Variants in RPGRIP1L observed in about 807,000 individuals in gnomAD.
RPGRIP1L encodes the protein protein fantom.
In RPGRIP1L, 131 loss-of-function variants were observed where a neutral mutation model predicts 160.4. The observed-to-expected ratio is 0.82, with a 90% CI of 0.71 to 0.94. The LOEUF (loss-of-function observed/expected upper bound fraction) is 0.94. Among genes scored for constraint, RPGRIP1L ranks in the 40% least tolerant of loss-of-function variants. The pLI is 0.00. For missense variants in RPGRIP1L, 1,522 were observed against 1,535.8 expected, an observed-to-expected ratio of 0.99 and a Z score of 0.15; for synonymous variants, 510 against 515.8, an observed-to-expected ratio of 0.99 and a Z score of 0.15.
intron 22 of RPGRIP1L, among the ~76,000 whole-genome samples, chr16:53,625,834 A>G (rs1210067467): frequency 6.6e-6 from 1 of 152,128 alleles, no homozygotes; most frequent in Admixed American, 6.5e-5. Flanking sequence ...GTTAATCTAT[A>G]ACCTCACCCC....
intron 6 of RPGRIP1L, among the ~76,000 whole-genome samples, chr16:53,675,673 A>C (rs1969099226): frequency 6.6e-6 from 1 of 152,192 alleles, no homozygotes; most frequent in Non-Finnish European, 1.5e-5. Flanking sequence ...AGCATTTTAT[A>C]CTAACAATGT....
intron 6 of RPGRIP1L, among the ~76,000 whole-genome samples, chr16:53,677,721 C>A (rs1009909678): frequency 1.8e-4 from 28 of 152,112 alleles, no homozygotes; most frequent in African/African-American, 6.0e-4. Flanking sequence ...CAACACGGAG[C>A]TAGGGTGTTT....
intron 17 of RPGRIP1L, among the ~76,000 whole-genome samples, chr16:53,644,639 A>G (rs1408428833): frequency 6.6e-6 from 1 of 152,250 alleles, no homozygotes; most frequent in Non-Finnish European, 1.5e-5. Flanking sequence ...ATCTGAAACA[A>G]TGGATGCCAG....
Position 53,619,100 on chromosome 16 carries a change from G to C in RPGRIP1L, c.3541C>G (p.Leu1181Val). ...RLFVECRFYS[L>V]PAEETPVSLP... ...GACACGGGTGTCTCTTCAGCAGGAA[G>C]ACTGTAGAATCGACACTCAACAAAC... Residue 1181 changes from leucine (L) to valine (V), a missense_variant, in exon 24 of 27, where the codon CTT becomes GTT. Transcript: ENST00000647211. The C allele has an allele frequency of 6.2e-7, 1 of 1,614,066 alleles. No individual in the cohort carries two copies. Among genetic ancestry groups the C allele is most frequent in the Non-Finnish European group, 8.5e-7 (1 of 1,179,960 alleles).
intron 6 of RPGRIP1L, among the ~76,000 whole-genome samples, chr16:53,680,603 A>G (rs1455244463): frequency 6.6e-6 from 1 of 152,160 alleles, no homozygotes; most frequent in East Asian, 1.9e-4. Flanking sequence ...TATTGGGACA[A>G]TTGGGGAAAT....
intron 17 of RPGRIP1L, among the ~76,000 whole-genome samples, chr16:53,642,745 T>C (rs1198842112): frequency 1.3e-5 from 2 of 152,136 alleles, no homozygotes; most frequent in Admixed American, 6.5e-5. Flanking sequence ...CCCACTCCCA[T>C]TTTGGAGAAT....
chr16:53,613,581 T>G (rs558569394), intron 24 of RPGRIP1L, among the ~76,000 whole-genome samples: 2 of 152,314 alleles, frequency 1.3e-5, no homozygotes, highest in East Asian at 3.9e-4. Flanking sequence ...CTTCCCAAAG[T>G]GCTGGAATTA....
Position 53,619,081 on chromosome 16 carries a change from G to C in RPGRIP1L, c.3560C>G (p.Pro1187Arg). 6.2e-7 allele frequency: 1 copy of C among 1,613,880 alleles called. No individual in the cohort carries two copies. Among genetic ancestry groups the C allele is most frequent in the Non-Finnish European group, 8.5e-7 (1 of 1,179,844 alleles). Residue 1187 changes from proline to arginine, a missense_variant, in exon 24 of 27, where the codon CCC (proline) becomes CGC (arginine). Transcript: ENST00000647211. ...RFYSLPAEET[P>R]VSLPKPKSGQ... is the part of the protein sequence containing the mutation. ...ACTCTTGGGTTTTGGAAGTGACACGGGTGTCTCTTCAGCAGGAAGACTGTA... is the reference window on the plus strand; with the variant it reads ...ACTCTTGGGTTTTGGAAGTGACACGCGTGTCTCTTCAGCAGGAAGACTGTA...
At chr16:53,614,959 A>G (rs1964268377) in intron 24 of RPGRIP1L, among the ~76,000 whole-genome samples, 1 of 152,216 alleles carries the variant, frequency 6.6e-6, no homozygotes, top group Admixed American at 6.5e-5. Flanking sequence ...TCTGTTATCA[A>G]TGTCATATGG....
intron 4 of RPGRIP1L, among the ~76,000 whole-genome samples, chr16:53,690,081 T>C (rs1385260499): frequency 1.3e-5 from 2 of 152,236 alleles, no homozygotes; most frequent in Admixed American, 6.5e-5. Context: ...TCAAAACTTA[T>C]TTTTCTCTTC....
At chr16:53,671,607 AT>A in intron 8 of RPGRIP1L, 24 bp from the exon 9 acceptor site, 1 of 1,253,642 alleles carries the variant, frequency 8.0e-7, no homozygotes, top group Non-Finnish European at 1.1e-6. Context: ...AAAATTACAT[AT>A]TAAGTAAATA....
intron 19 of RPGRIP1L, among the ~76,000 whole-genome samples, chr16:53,638,708 C>T (rs900099487): frequency 4.0e-5 from 6 of 151,180 alleles, no homozygotes; most frequent in African/African-American, 1.5e-4. Flanking sequence ...ATAAAATATG[C>T]TATATCCAAA....
chr16:53,626,242 T>C (rs1316297323), intron 22 of RPGRIP1L, among the ~76,000 whole-genome samples: 3 of 151,216 alleles, frequency 2.0e-5, no homozygotes, highest in Admixed American at 6.6e-5. Flanking sequence ...ATGACAGTAA[T>C]TGAAGCAAAG....
At chr16:53,656,151 A>G (rs933593759) in intron 14 of RPGRIP1L, among the ~76,000 whole-genome samples, 2 of 152,202 alleles carry the variant, frequency 1.3e-5, no homozygotes, top group African/African-American at 4.8e-5. Flanking sequence ...GGGAATTACT[A>G]AAAATTCTTG....
chr16:53,626,769 C>A (rs1567810024), intron 22 of RPGRIP1L, among the ~76,000 whole-genome samples: 1 of 147,032 alleles, frequency 6.8e-6, no homozygotes, highest in African/African-American at 2.6e-5. Flanking sequence ...TGCACTACTA[C>A]ACTCCACCCT....
chr16:53,690,397 C>T (rs1970303056), intron 4 of RPGRIP1L, among the ~76,000 whole-genome samples: 1 of 152,054 alleles, frequency 6.6e-6, no homozygotes, highest in East Asian at 1.9e-4. Flanking sequence ...GGGGTTTCAC[C>T]GTGTTGGCCA....
At chr16:53,643,624 T>G (rs1458146117) in intron 17 of RPGRIP1L, among the ~76,000 whole-genome samples, 1 of 152,118 alleles carries the variant, frequency 6.6e-6, no homozygotes, top group Non-Finnish European at 1.5e-5. Flanking sequence ...CACTAAGCTA[T>G]GCTGACCTAT....
chr16:53,676,072 T>C (rs12924034), intron 6 of RPGRIP1L, among the ~76,000 whole-genome samples: 1 of 152,146 alleles, frequency 6.6e-6, no homozygotes, highest in Non-Finnish European at 1.5e-5. Flanking sequence ...GTACACATAT[T>C]GGAAAAATTG....
At chr16:53,615,131 T>C (rs963543083) in intron 24 of RPGRIP1L, among the ~76,000 whole-genome samples, 17 of 152,190 alleles carry the variant, frequency 1.1e-4, no homozygotes, top group Non-Finnish European at 1.5e-5. Context: ...ATCTTTTGAA[T>C]TAAACTTCAA....
Sources: allele counts gnomAD v4.1 joint callset (sites outside exome capture counted in the v4.1 genomes callset), GRCh38; gene constraint gnomAD v4.1.1; transcripts MANE v1.5; gene names NCBI Gene and HGNC (gene_info 2026-07-23, HGNC 2026-07-21).